The following SPACA7 variants were observed in gnomAD, a reference collection of about 807,000 sequenced individuals.
The protein encoded by SPACA7 is sperm acrosome associated 7.
SPACA7 carries 19 observed loss-of-function variants against 26.3 expected under a neutral mutation model. That is an observed-to-expected ratio of 0.72 (90% CI 0.50 to 1.06). SPACA7 has a LOEUF of 1.06. Ranked by LOEUF, SPACA7 falls within the 50% of genes least tolerant of loss-of-function variation. The pLI, the probability that SPACA7 is intolerant of heterozygous loss-of-function variation, is 0.00. For synonymous variants in SPACA7, 84 were observed against 84.5 expected, an observed-to-expected ratio of 0.99 and a Z score of 0.04; for missense variants, 211 against 229.9, an observed-to-expected ratio of 0.92 and a Z score of 0.53.
intron 5 of SPACA7, among the ~76,000 whole-genome samples, chr13:112,405,878 G>A (rs2138981173): frequency 6.6e-6 from 1 of 152,178 alleles, no homozygotes; most frequent in East Asian, 1.9e-4. Context: ...TCTTCGTTGT[G>A]AATTCCAACT....
intron 5 of SPACA7, among the ~76,000 whole-genome samples, chr13:112,430,174 C>CTGTGTGTGTGTGTGTGTG (rs61438595): frequency 6.8e-4 from 92 of 134,310 alleles, no homozygotes; most frequent in East Asian, 1.3e-3. Context: ...ATCTCTCTCT[C>CTGTGTGTGTGTGTGTGTG]TGTGTGTGTG....
intron 2 of SPACA7, among the ~76,000 whole-genome samples, chr13:112,397,730 A>C (rs1341329619): frequency 6.6e-6 from 1 of 152,236 alleles, no homozygotes; most frequent in Non-Finnish European, 1.5e-5. Context: ...GATGGGACAG[A>C]GGGACCCAGG....
chr13:112,382,913 T>C (rs927420423), intron 1 of SPACA7, among the ~76,000 whole-genome samples: 1 of 151,522 alleles, frequency 6.6e-6, no homozygotes, highest in Non-Finnish European at 1.5e-5. Context: ...CAGTTGAACC[T>C]GGGAGGCAGC....
At chr13:112,427,332 C>T (rs1316931050) in intron 5 of SPACA7, among the ~76,000 whole-genome samples, 1 of 152,214 alleles carries the variant, frequency 6.6e-6, no homozygotes. Flanking sequence ...CCGCAGCTTG[C>T]AGCCCTGCAT....
chr13:112,399,548 A>AG (rs1188360363), intron 4 of SPACA7, among the ~76,000 whole-genome samples: 2 of 152,370 alleles, frequency 1.3e-5, no homozygotes, highest in Admixed American at 1.3e-4. Flanking sequence ...GAGTGCCCCC[A>AG]GGGGGGTCCC....
At chr13:112,383,649 C>T (rs975383353) in intron 1 of SPACA7, among the ~76,000 whole-genome samples, 4 of 152,182 alleles carry the variant, frequency 2.6e-5, no homozygotes, top group Non-Finnish European at 5.9e-5. Flanking sequence ...AGATATCTTG[C>T]AGTTCCTGGG....
intron 1 of SPACA7, among the ~76,000 whole-genome samples, chr13:112,377,063 A>G (rs1344566132): frequency 1.3e-5 from 2 of 152,182 alleles, no homozygotes; most frequent in Non-Finnish European, 2.9e-5. Flanking sequence ...AATAGTGGAG[A>G]GTGGGCTCAA....
intron 1 of SPACA7, among the ~76,000 whole-genome samples, chr13:112,381,327 CA>C (rs901595012): frequency 9.9e-5 from 15 of 151,248 alleles, no homozygotes; most frequent in African/African-American, 3.2e-4. Context: ...CCATCTCTAC[CA>C]AAAAAAATGC....
intron 5 of SPACA7, among the ~76,000 whole-genome samples, chr13:112,419,232 C>A (rs903237138): frequency 6.6e-6 from 1 of 152,144 alleles, no homozygotes; most frequent in Admixed American, 6.5e-5. Context: ...AAACAGGTCA[C>A]CACCATACAA....
chr13:112,408,877 A>G (rs1299745851), intron 5 of SPACA7, among the ~76,000 whole-genome samples: 1 of 152,220 alleles, frequency 6.6e-6, no homozygotes, highest in East Asian at 1.9e-4. Context: ...TAAAGTTCAT[A>G]TGGAACCAAA....
chr13:112,390,193 G>A (rs1219776939), intron 1 of SPACA7, among the ~76,000 whole-genome samples: 32 of 152,128 alleles, frequency 2.1e-4, no homozygotes, highest in Admixed American at 2.0e-3. Context: ...GAGGGCTAAC[G>A]GAGATTAGAT....
At chr13:112,398,830 G>A (rs1377199993) in intron 3 of SPACA7, among the ~76,000 whole-genome samples, 1 of 152,200 alleles carries the variant, frequency 6.6e-6, no homozygotes, top group East Asian at 1.9e-4. Flanking sequence ...GTAAATTCCA[G>A]TTCCTAGGAT....
intron 1 of SPACA7, among the ~76,000 whole-genome samples, chr13:112,387,393 G>T (rs1390675783): frequency 6.6e-6 from 1 of 152,216 alleles, no homozygotes; most frequent in Non-Finnish European, 1.5e-5. Flanking sequence ...AAGCAGGCTT[G>T]AAAGTGAGTC....
At chr13:112,399,386 A>T (rs149276311) in intron 4 of SPACA7, among the ~76,000 whole-genome samples, 1 of 152,230 alleles carries the variant, frequency 6.6e-6, no homozygotes, top group African/African-American at 2.4e-5. Flanking sequence ...CCGACCCTGG[A>T]AAAAACACAG....
intron 2 of SPACA7, among the ~76,000 whole-genome samples, chr13:112,393,925 G>T (rs1403989163): frequency 6.6e-6 from 1 of 150,538 alleles, no homozygotes; most frequent in Non-Finnish European, 1.5e-5. Flanking sequence ...GGCAGAGGTT[G>T]CAGTAAGCTG....
At chr13:112,415,793 G>C (rs1246200385) in intron 5 of SPACA7, among the ~76,000 whole-genome samples, 2 of 152,084 alleles carry the variant, frequency 1.3e-5, no homozygotes, top group Admixed American at 1.3e-4. Context: ...GGGACCTATG[G>C]CCACTTTAGG....
At chr13:112,404,203 G>A (rs149222035) in intron 5 of SPACA7, among the ~76,000 whole-genome samples, 14 of 152,166 alleles carry the variant, frequency 9.2e-5, no homozygotes, top group East Asian at 3.9e-4. Flanking sequence ...TCAACTGTTC[G>A]TTGGCCATTT....
intron 1 of SPACA7, among the ~76,000 whole-genome samples, chr13:112,389,025 G>A (rs1490249446): frequency 1.3e-5 from 2 of 152,136 alleles, no homozygotes; most frequent in Non-Finnish European, 2.9e-5. Flanking sequence ...GTTTAGGGAG[G>A]GTCAGAATCT....
rs1298999277 is a variant in SPACA7, at chr13:112,434,599, C to CA, written c.*51dup. On this transcript the variant is annotated 3_prime_UTR_variant, in exon 7 of 7. Coordinates refer to ENST00000283550, the MANE Select transcript of SPACA7 (RefSeq NM_145248.5). Reference sequence around the variant, plus strand: ...CAGGAGAGGAGCCTGCTAGAACCCCCACCCACCAGCCTCCGGAACAGGGCA... The same window carrying CA: ...CAGGAGAGGAGCCTGCTAGAACCCCCAACCCACCAGCCTCCGGAACAGGGCA... 3 of 1,463,928 alleles carry CA rather than the reference C, an allele frequency of 2.0e-6. No homozygotes were observed. The allele number at this position is 1,463,928 out of a possible 1,614,324, so 90.7% of individuals were successfully genotyped here. A position where few individuals can be genotyped will look rare whatever the true frequency, so the allele number is the denominator to read the frequency against.
Sources: allele counts gnomAD v4.1 joint callset (sites outside exome capture counted in the v4.1 genomes callset), GRCh38; gene constraint gnomAD v4.1.1; transcripts MANE v1.5; gene names NCBI Gene and HGNC (gene_info 2026-07-23, HGNC 2026-07-21).